Variants in TPD52 observed in about 807,000 individuals in gnomAD.
The protein encoded by TPD52 is tumor protein D52, also known as prostate and colon associated protein.
In TPD52, 17 loss-of-function variants were observed where a neutral mutation model predicts 31.3. That is an observed-to-expected ratio of 0.54 (90% CI 0.37 to 0.82). The LOEUF (loss-of-function observed/expected upper bound fraction) is 0.82. Among genes scored for constraint, TPD52 ranks in the 40% least tolerant of loss-of-function variants. TPD52 has a pLI of 0.00. For synonymous variants in TPD52, 83 were observed against 89.6 expected (o/e 0.93, Z 0.42); for missense variants, 212 against 240.1 (o/e 0.88, Z 0.77).
intron 1 of TPD52, among the ~76,000 whole-genome samples, chr8:80,100,630 T>C (rs143739611): frequency 6.6e-6 from 1 of 152,328 alleles, no homozygotes; most frequent in Non-Finnish European, 1.5e-5. Flanking sequence ...ACAGTCAGGG[T>C]TCTCATATCT....
chr8:80,144,898 C>T (rs1020817852), intron 1 of TPD52, among the ~76,000 whole-genome samples: 1 of 151,708 alleles, frequency 6.6e-6, no homozygotes, highest in Admixed American at 6.6e-5. Flanking sequence ...AAAAAAAAAA[C>T]CTAATAAGCA....
chr8:80,131,265 C>T lies in TPD52; in HGVS notation c.19+40160G>A, dbSNP rs1808999283. Among the ~76,000 whole-genome samples the T allele has an allele frequency of 2.6e-5, 4 of 152,234 alleles. No homozygotes were observed. The South Asian group carries it at 8.3e-4, about 32-fold the overall frequency. The stretch of plus-strand genomic sequence containing the variant: ...CTTGAAAGGAAACAAACTGACCAGT[C>T]AGTCCAACGATTCCATCTGCCTGTT... On this transcript the variant is annotated intron_variant, in intron 1 of 7. Transcript: ENST00000518937.
chr8:80,140,792 C>T (rs868508713), intron 1 of TPD52, among the ~76,000 whole-genome samples: 8 of 152,336 alleles, frequency 5.3e-5, no homozygotes, highest in Middle Eastern at 6.8e-3. Flanking sequence ...TCTACTCCTG[C>T]ACCACTTAGC....
chr8:80,113,992 C>T (rs1807686042), intron 1 of TPD52, among the ~76,000 whole-genome samples: 1 of 152,134 alleles, frequency 6.6e-6, no homozygotes, highest in Non-Finnish European at 1.5e-5. Context: ...CACCTGTGAT[C>T]CCAGCACTTT....
intron 6 of TPD52, chr8:80,042,913 T>C (rs1011495659): frequency 8.2e-6 from 3 of 367,046 alleles, no homozygotes; most frequent in African/African-American, 4.1e-5. Flanking sequence ...ATAAGTAATA[T>C]AGATATGGTC....
chr8:80,050,533 A>C, intron 4 of TPD52, 62 bp from the exon 5 acceptor site: 1 of 1,507,194 alleles, frequency 6.6e-7, no homozygotes, highest in Non-Finnish European at 9.0e-7. Context: ...AAAACAATTA[A>C]ATAACCTAAG....
chr8:80,077,042 C>T (rs200318415), intron 1 of TPD52, among the ~76,000 whole-genome samples: 2 of 151,762 alleles, frequency 1.3e-5, no homozygotes, highest in South Asian at 2.1e-4. Context: ...TTTGGGAGGC[C>T]GAGGCAGGCG....
intron 1 of TPD52, among the ~76,000 whole-genome samples, chr8:80,154,957 G>A (rs892532084): frequency 4.1e-5 from 6 of 147,194 alleles, no homozygotes; most frequent in African/African-American, 1.5e-4. Context: ...GGGTTGTTTT[G>A]TTTGTTTGGT....
At chr8:80,082,356 C>A (rs570712133) in intron 1 of TPD52, among the ~76,000 whole-genome samples, 167 of 152,266 alleles carry the variant, frequency 1.1e-3, no homozygotes, top group Middle Eastern at 3.4e-3. Flanking sequence ...GAGTATGGTT[C>A]ATGAGGTCCC....
downstream of TPD52, among the ~76,000 whole-genome samples, chr8:80,031,282 A>G (rs1809687250): frequency 6.6e-6 from 1 of 152,216 alleles, no homozygotes; most frequent in African/African-American, 2.4e-5. Context: ...GATGCTCTCT[A>G]ATGGTACAGA....
rs141378097 is a variant in TPD52 at position 80,147,290 on chromosome 8, T to C, written c.19+24135A>G. Reference sequence around the variant, plus strand: ...GCCTGGGGAAATGGTTAACCATGCATCTCAGCAAAAATAAGGGAGACCTCG... The same window carrying C: ...GCCTGGGGAAATGGTTAACCATGCACCTCAGCAAAAATAAGGGAGACCTCG... On this transcript the variant is annotated intron_variant, in intron 1 of 7. Transcript: ENST00000518937. Among the ~76,000 whole-genome samples the C allele has an allele frequency of 1.8e-3, 278 of 152,256 alleles. 1 individual carries two copies. The highest frequency in any genetic ancestry group is 6.1e-3 in the African/African-American group (254 of 41,546).
chr8:80,117,484 T>C (rs532744235), intron 1 of TPD52, among the ~76,000 whole-genome samples: 8 of 152,144 alleles, frequency 5.3e-5, no homozygotes, highest in Admixed American at 3.3e-4. Context: ...TTTAAATAAA[T>C]GGCAAGTCTA....
intron 1 of TPD52, among the ~76,000 whole-genome samples, chr8:80,162,077 A>T (rs1407464520): frequency 6.6e-6 from 1 of 152,150 alleles, no homozygotes; most frequent in Non-Finnish European, 1.5e-5. Flanking sequence ...CTGTAACATA[A>T]AACACACTCA....
chr8:80,057,397 C>T (rs565855140), intron 2 of TPD52, among the ~76,000 whole-genome samples: 4 of 152,282 alleles, frequency 2.6e-5, no homozygotes, highest in Non-Finnish European at 4.4e-5. Flanking sequence ...ATGTTTATTG[C>T]ATCACTATTC....
At chr8:80,143,293 G>A (rs1433259226) in intron 1 of TPD52, among the ~76,000 whole-genome samples, 1 of 152,116 alleles carries the variant, frequency 6.6e-6, no homozygotes, top group Non-Finnish European at 1.5e-5. Flanking sequence ...GAATGAGAAG[G>A]TCTAAACCCT....
At chr8:80,144,416 C>A (rs1460862611) in intron 1 of TPD52, among the ~76,000 whole-genome samples, 1 of 152,182 alleles carries the variant, frequency 6.6e-6, no homozygotes, top group Non-Finnish European at 1.5e-5. Context: ...CTCATCAGAA[C>A]CAACTAGGCA....
intron 2 of TPD52, among the ~76,000 whole-genome samples, chr8:80,061,377 G>A (rs7824109): frequency 1.6e-4 from 13 of 80,106 alleles, no homozygotes; most frequent in African/African-American, 2.5e-4. Flanking sequence ...CCCCCCCACC[G>A]CCCCCCCCAA....
At chr8:80,069,212 C>A (rs1407754528) in intron 1 of TPD52, among the ~76,000 whole-genome samples, 1 of 152,100 alleles carries the variant, frequency 6.6e-6, no homozygotes, top group African/African-American at 2.4e-5. Context: ...ACCTGTAATC[C>A]CAGCACTTTG....
At chr8:80,111,041 A>G (rs552510643) in intron 1 of TPD52, among the ~76,000 whole-genome samples, 1 of 152,110 alleles carries the variant, frequency 6.6e-6, no homozygotes, top group East Asian at 1.9e-4. Flanking sequence ...CCTTGTCTCT[A>G]AGAAAAATAA....
Sources: gnomAD v4.1 joint callset for allele counts (sites outside exome capture counted in the v4.1 genomes callset) on GRCh38, gnomAD v4.1.1 for gene constraint, MANE v1.5 for transcripts, NCBI Gene and HGNC (gene_info 2026-07-23, HGNC 2026-07-21) for gene names.